Variants in CHD7 observed in about 807,000 individuals in gnomAD.
CHD7 encodes ATP-dependent chromatin remodeler CHD7.
Under a neutral mutation model 307.3 loss-of-function variants are expected in CHD7, and 24 were observed. That is an observed-to-expected ratio of 0.08 (90% CI 0.06 to 0.11). The LOEUF is 0.11. CHD7 is among the 10% of genes least tolerant of loss of function. The pLI, the probability that CHD7 is intolerant of heterozygous loss-of-function variation, is 1.00. For missense variants in CHD7, 3,106 were observed against 3,727.1 expected (o/e 0.83, Z 4.34); for synonymous variants, 1,363 against 1,349.9 (o/e 1.01, Z -0.21).
rs535347450 is a variant in CHD7 at position 60,852,142 on chromosome 8, G to A, written c.5789G>A (p.Arg1930Lys). The change falls in exon 29 of 38, where the codon AGG becomes AAG. Residue 1930 changes from arginine (R) to lysine (K), a missense_variant. Physicochemically the swap from Arg to Lys is conservative, Grantham distance 26. Transcript: ENST00000423902. ...YQRSYKRQQM[R>K]QEALMKTDRR... ...CGCAGCTATAAAAGGCAACAGATGA[G>A]GCAAGAGGCCCTAATGAAGACTGAC... 22 of 1,614,012 alleles carry A rather than the reference G, an allele frequency of 1.4e-5. No individual in the cohort carries two copies. In the South Asian group the frequency reaches 1.8e-4, roughly 13 times the overall value.
intron 1 of CHD7, among the ~76,000 whole-genome samples, chr8:60,707,202 T>C (rs1193431512): frequency 6.6e-6 from 1 of 152,236 alleles, no homozygotes; most frequent in African/African-American, 2.4e-5. Context: ...TGCTGTCTGG[T>C]ATGGTCTTGG....
chr8:60,790,171 T>C (rs1049333648), intron 3 of CHD7, among the ~76,000 whole-genome samples: 1 of 152,204 alleles, frequency 6.6e-6, no homozygotes, highest in African/African-American at 2.4e-5. Flanking sequence ...AGCAGATGGC[T>C]CTATATCTCA....
intron 3 of CHD7, among the ~76,000 whole-genome samples, chr8:60,788,069 A>G (rs1489498757): frequency 6.6e-6 from 1 of 150,766 alleles, no homozygotes; most frequent in Non-Finnish European, 1.5e-5. Context: ...TGATCCGCCT[A>G]CCTTGGTCTC....
intron 2 of CHD7, among the ~76,000 whole-genome samples, chr8:60,762,448 ACT>A (rs1354390930): frequency 6.1e-4 from 93 of 152,130 alleles, no homozygotes; most frequent in Non-Finnish European, 1.0e-4. Flanking sequence ...TGGAGTCCCG[ACT>A]CTGTCACTTA....
At chr8:60,686,867 A>G (rs182410088) in intron 1 of CHD7, among the ~76,000 whole-genome samples, 9 of 152,328 alleles carry the variant, frequency 5.9e-5, no homozygotes, top group Admixed American at 1.3e-4. Context: ...TTGGGGAACT[A>G]CTTTAACTTT....
chr8:60,727,266 A>G (rs1283746522), intron 1 of CHD7, among the ~76,000 whole-genome samples: 2 of 152,050 alleles, frequency 1.3e-5, no homozygotes, highest in East Asian at 1.9e-4. Context: ...AGCTGGGACT[A>G]CAGGCATTTG....
In CHD7 at chr8:60,845,041, T is replaced by G; in HGVS notation, c.5028T>G (p.Thr1676=). The G allele has an allele frequency of 6.2e-7, 1 of 1,613,972 alleles. No individual in the cohort carries two copies. Among genetic ancestry groups the G allele is most frequent in the East Asian group, 2.2e-5 (1 of 44,888 alleles). Residue 1676 remains threonine, a synonymous_variant, in exon 22 of 38, where the codon ACT becomes ACG. Coordinates refer to ENST00000423902, the MANE Select transcript of CHD7 (RefSeq NM_017780.4). ...TCACACCCACAGCGGATGGCCAGAC[T>G]CGAGCCTTGGTCAACCATTCCGGTA... ...DLITPTADGQ[T]RALVNHSGLS... is the part of the protein sequence containing the mutation.
chr8:60,690,081 A>T (rs1048749335), intron 1 of CHD7, among the ~76,000 whole-genome samples: 5 of 152,168 alleles, frequency 3.3e-5, no homozygotes, highest in African/African-American at 1.2e-4. Context: ...AGGACAACAG[A>T]CTGTCTTCCG....
chr8:60,792,427 T>C (rs1451860100), intron 3 of CHD7, among the ~76,000 whole-genome samples: 3 of 152,202 alleles, frequency 2.0e-5, no homozygotes, highest in African/African-American at 7.2e-5. Flanking sequence ...GGGTGTTCTT[T>C]GATTTGTATA....
At chr8:60,835,957 G>A in intron 15 of CHD7, 116 bp from the exon 16 acceptor site, 1 of 705,950 alleles carries the variant, frequency 1.4e-6, no homozygotes, top group Non-Finnish European at 2.4e-6. Flanking sequence ...TTGTTCATAA[G>A]CAGGAGTTTG....
chr8:60,830,613 C>T (rs746844831), intron 15 of CHD7, 36 bp downstream of exon 15: 62 of 1,600,178 alleles, frequency 3.9e-5, no homozygotes, highest in Non-Finnish European at 4.6e-5. Flanking sequence ...GCTTAAGTGA[C>T]GATTGAAGCA....
At position 60,800,479 on chromosome 8, in the gene CHD7, C is replaced by T. The variant is rs1469195833; in HGVS notation, c.2330C>T (p.Ala777Val). The change falls in exon 5 of 38, where the codon GCT (alanine) becomes GTT (valine). Residue 777 changes from alanine (A) to valine (V), a missense_variant. Coordinates refer to ENST00000423902, the MANE Select transcript of CHD7 (RefSeq NM_017780.4). ...GATGAGGAGGCAGATGATGCAGATG[C>T]TGCTGGGAGGGATTCCCCCTCCAAC... is the stretch of plus-strand genomic sequence containing the variant. The part of the protein sequence containing the change: ...ISDEEADDAD[A>V]AGRDSPSNTS... 3.7e-6 allele frequency: 6 copies of T among 1,613,842 alleles called. No homozygotes were observed. The highest frequency in any genetic ancestry group is 5.1e-6 in the Non-Finnish European group (6 of 1,179,794).
At chr8:60,833,677 T>C (rs1303398682) in intron 15 of CHD7, among the ~76,000 whole-genome samples, 1 of 152,248 alleles carries the variant, frequency 6.6e-6, no homozygotes, top group Non-Finnish European at 1.5e-5. Flanking sequence ...GTCTTTGATA[T>C]ACACACTTTC....
intron 1 of CHD7, among the ~76,000 whole-genome samples, chr8:60,705,714 C>T (rs1307169131): frequency 6.6e-5 from 10 of 152,080 alleles, no homozygotes; most frequent in Admixed American, 6.6e-4. Flanking sequence ...ATGCACACCA[C>T]CTGTACTTTG....
chr8:60,697,942 G>C (rs1488316142), intron 1 of CHD7, among the ~76,000 whole-genome samples: 1 of 152,116 alleles, frequency 6.6e-6, no homozygotes, highest in African/African-American at 2.4e-5. Context: ...TCAGCTACTG[G>C]ACCAAATGTA....
At chr8:60,829,129 C>T (rs546322600) in intron 14 of CHD7, among the ~76,000 whole-genome samples, 27 of 152,306 alleles carry the variant, frequency 1.8e-4, no homozygotes, top group South Asian at 4.1e-4. Flanking sequence ...TGATGTCAGA[C>T]GCCACTGACG....
At chr8:60,785,485 A>G (rs555372310) in intron 3 of CHD7, among the ~76,000 whole-genome samples, 40 of 152,354 alleles carry the variant, frequency 2.6e-4, no homozygotes, top group Admixed American at 4.6e-4. Flanking sequence ...AAATCATACT[A>G]TCATTATCAT....
At chr8:60,858,115 G>T (rs1165226835) in intron 34 of CHD7, among the ~76,000 whole-genome samples, 12 of 152,152 alleles carry the variant, frequency 7.9e-5, no homozygotes, top group Non-Finnish European at 2.9e-5. Flanking sequence ...AATTAGCCTG[G>T]TCTGGTAGCA....
In CHD7 at chr8:60,844,881, A is replaced by T. The variant is rs781052111; in HGVS notation, c.4868A>T (p.Asp1623Val). The T allele has an allele frequency of 1.9e-6, 3 of 1,603,216 alleles. No homozygotes were observed. The Admixed American group carries it at 5.0e-5, about 27-fold the overall frequency. The change falls in exon 22 of 38, where the codon GAC (aspartate) becomes GTC (valine). Residue 1623 changes from aspartate (D) to valine (V), a missense_variant. Transcript: ENST00000423902. ...LLVYGWGRWT[D>V]ILSHGRYKRQ... is the part of the protein sequence containing the mutation. ...CTTTGCAGTTGGGGACGGTGGACAG[A>T]CATTCTTTCCCACGGACGCTATAAA...
Sources: allele counts gnomAD v4.1 joint callset (sites outside exome capture counted in the v4.1 genomes callset), GRCh38; gene constraint gnomAD v4.1.1; transcripts MANE v1.5; gene names NCBI Gene and HGNC (gene_info 2026-07-23, HGNC 2026-07-21).